Variants in PTPN6 observed in about 807,000 individuals in gnomAD.
PTPN6 encodes protein tyrosine phosphatase non-receptor type 6.
Under a neutral mutation model 81.5 loss-of-function variants are expected in PTPN6, and 18 were observed. The ratio of observed to expected loss-of-function variants is 0.22; its 90% CI spans 0.15 to 0.33. The LOEUF (loss-of-function observed/expected upper bound fraction) is 0.33, where lower values mean the gene tolerates loss of function less well. Ranked by LOEUF, PTPN6 falls within the 10% of genes least tolerant of loss-of-function variation. The pLI is 1.00. For synonymous variants in PTPN6, 301 were observed against 310.9 expected (o/e 0.97, Z 0.33); for missense variants, 500 against 794.2 (o/e 0.63, Z 4.45).
intron 11 of PTPN6, among the ~76,000 whole-genome samples, chr12:6,958,275 G>GT (rs1175543513): frequency 6.6e-6 from 1 of 152,194 alleles, no homozygotes; most frequent in East Asian, 1.9e-4. Flanking sequence ...CCCTCTGCCT[G>GT]TGGGTATCTT....
In PTPN6 at chr12:6,955,731, G is replaced by A. The variant is rs1317916482; in HGVS notation, c.819G>A (p.Lys273=). 1 of 1,614,014 alleles carries A rather than the reference G, an allele frequency of 6.2e-7. No individual in the cohort carries two copies. Among genetic ancestry groups the A allele is most frequent in the Non-Finnish European group, 8.5e-7 (1 of 1,179,992 alleles). Reference sequence around the variant, plus strand: ...GGCAGCGGCCAGAGAACAAGGGCAAGAACCGCTACAAGAACATTCTCCCCT... The same window carrying A: ...GGCAGCGGCCAGAGAACAAGGGCAAAAACCGCTACAAGAACATTCTCCCCT... The part of the protein sequence containing the change: ...LEGQRPENKG[K]NRYKNILPFD... The change falls in exon 7 of 16, where the codon AAG becomes AAA. Residue 273 remains lysine, a synonymous_variant. Coordinates refer to ENST00000318974, the MANE Select transcript of PTPN6 (RefSeq NM_002831.6). The surrounding 1 kb of genome is among the most constrained non-coding windows in gnomAD (Gnocchi z 7.2).
chr12:6,949,750 G>T (rs1318962845), upstream of PTPN6, among the ~76,000 whole-genome samples: 11 of 151,810 alleles, frequency 7.2e-5, no homozygotes, highest in African/African-American at 2.4e-4. Context: ...AGATTATTTT[G>T]CCTTGTTTGC....
intron 3 of PTPN6, chr12:6,953,113 A>G (rs1318752353): frequency 2.6e-5 from 4 of 152,050 alleles, no homozygotes; most frequent in African/African-American, 9.7e-5. Flanking sequence ...TGGTCAAGGC[A>G]CTGATTGAAA....
Position 6,956,543 on chromosome 12 carries a change from C to A in PTPN6, c.1049C>A (p.Thr350Asn), listed in dbSNP as rs782187261. 6.2e-7 allele frequency: 1 copy of A among 1,613,910 alleles called. No individual in the cohort carries two copies. Among genetic ancestry groups the A allele is most frequent in the Non-Finnish European group, 8.5e-7 (1 of 1,180,014 alleles). The part of the protein sequence containing the change: ...WQENSRVIVM[T>N]TREVEKGRNK... ...GAGAACAGCCGTGTCATCGTCATGACCACCCGAGAGGTGGAGAAAGGCCGG... is the reference window on the plus strand; with the variant it reads ...GAGAACAGCCGTGTCATCGTCATGAACACCCGAGAGGTGGAGAAAGGCCGG... Residue 350 changes from threonine (T) to asparagine (N), a missense_variant, in exon 9 of 16, where the codon ACC becomes AAC. Physicochemically the swap from Thr to Asn is moderately conservative, Grantham distance 65. Around this residue, in one of 6 missense-constraint regions of PTPN6, gnomAD observed 226 missense variants for 364.4 expected, o/e 0.62. Coordinates refer to ENST00000318974, the MANE Select transcript of PTPN6 (RefSeq NM_002831.6). This position sits in a 1 kb window ranked among gnomAD's most constrained non-coding sequence, Gnocchi z 4.1.
At chr12:6,948,300 G>C (rs1426524976), upstream of PTPN6, among the ~76,000 whole-genome samples, 2 of 151,994 alleles carry the variant, frequency 1.3e-5, no homozygotes, top group Non-Finnish European at 2.9e-5. Flanking sequence ...GCTGGATGTA[G>C]TGGCATGCAC....
At position 6,960,417 on chromosome 12, in the gene PTPN6, C is replaced by A; in HGVS notation, c.1655C>A (p.Ala552Asp). ...GCCATGAAGAATGCCCATGCCAAGG[C>A]CTCCCGCACCTCGTCCAAGTGAGTG... ...PPAMKNAHAKASRTSSKHKED... is the reference protein window; with the variant it reads ...PPAMKNAHAKDSRTSSKHKED... Residue 552 changes from alanine to aspartate, a missense_variant, in exon 14 of 16, where the codon GCC becomes GAC. Ala to Asp is a moderately radical substitution (Grantham distance 126, BLOSUM62 -2). This residue lies in a region of PTPN6 where 56 missense variants were observed against 56.4 expected (regional missense o/e 0.99). Coordinates refer to ENST00000318974, the MANE Select transcript of PTPN6 (RefSeq NM_002831.6). The surrounding 1 kb of genome is among the most constrained non-coding windows in gnomAD (Gnocchi z 6.1). 3.1e-6 allele frequency: 5 copies of A among 1,613,812 alleles called. No homozygotes were observed. The highest frequency in any genetic ancestry group is 4.2e-6 in the Non-Finnish European group (5 of 1,179,994).
In PTPN6 at chr12:6,954,924, T is replaced by G. The variant is rs1945997917; in HGVS notation, c.446T>G (p.Val149Gly). The G allele has an allele frequency of 6.2e-7, 1 of 1,614,090 alleles. No homozygotes were observed. The highest frequency in any genetic ancestry group is 8.5e-7 in the Non-Finnish European group (1 of 1,180,038). ...LSQPGDFVLSVLSDQPKAGPG... is the reference protein window; with the variant it reads ...LSQPGDFVLSGLSDQPKAGPG... ...CAGCCTGGAGACTTCGTGCTTTCTGTGCTCAGTGACCAGCCCAAGGCTGGC... is the reference window on the plus strand; with the variant it reads ...CAGCCTGGAGACTTCGTGCTTTCTGGGCTCAGTGACCAGCCCAAGGCTGGC... Residue 149 changes from valine (V) to glycine (G), a missense_variant, in exon 4 of 16, where the codon GTG becomes GGG. Coordinates refer to ENST00000318974, the MANE Select transcript of PTPN6 (RefSeq NM_002831.6). This position sits in a 1 kb window ranked among gnomAD's most constrained non-coding sequence, Gnocchi z 5.4.
At position 6,951,559 on chromosome 12, in the gene PTPN6, T is replaced by G. The variant is rs782436478; in HGVS notation, c.8+39T>G. The G allele has an allele frequency of 1.2e-6, 2 of 1,613,658 alleles. No individual in the cohort carries two copies. The highest frequency in any genetic ancestry group is 1.1e-5 in the South Asian group (1 of 91,048). ...ACCCACGGTAGACAGGAGGCAAGGGTGCCTGGTGCCCACGGGACCCCTCCT... is the reference window on the plus strand; with the variant it reads ...ACCCACGGTAGACAGGAGGCAAGGGGGCCTGGTGCCCACGGGACCCCTCCT... On this transcript the variant is annotated intron_variant, in intron 1 of 15. Transcript: ENST00000318974. This position sits in a 1 kb window ranked among gnomAD's most constrained non-coding sequence, Gnocchi z 7.2.
Position 6,951,755 on chromosome 12 carries a change from G to C in PTPN6, c.131+24G>C, listed in dbSNP as rs781965941. ...AGGTAGGTGGGCCCCCCGCAACCCC[G>C]GGCATTTTGGCCACTCTCTTGTGCC... On this transcript the variant is annotated intron_variant, in intron 2 of 15. Coordinates refer to ENST00000318974, the MANE Select transcript of PTPN6 (RefSeq NM_002831.6). The surrounding 1 kb of genome is among the most constrained non-coding windows in gnomAD (Gnocchi z 7.2). 1 of 1,608,424 alleles carries C rather than the reference G, an allele frequency of 6.2e-7. No homozygotes were observed. The highest frequency in any genetic ancestry group is 8.5e-7 in the Non-Finnish European group (1 of 1,179,958).
rs1946101960 is a variant in PTPN6 at position 6,960,048 on chromosome 12, G to A, written c.1430-40G>A. 4 of 1,612,954 alleles carry A rather than the reference G, an allele frequency of 2.5e-6. No individual in the cohort carries two copies. The highest frequency in any genetic ancestry group is 1.3e-5 in the African/African-American group (1 of 75,034). ...GGGGGTGAGCAGCCCCTCGGTGTCCGCCTATGCCTGGACCTGAGGTTTGAC... is the reference window on the plus strand; with the variant it reads ...GGGGGTGAGCAGCCCCTCGGTGTCCACCTATGCCTGGACCTGAGGTTTGAC... On this transcript the variant is annotated intron_variant, in intron 12 of 15. Coordinates refer to ENST00000318974, the MANE Select transcript of PTPN6 (RefSeq NM_002831.6). This position sits in a 1 kb window ranked among gnomAD's most constrained non-coding sequence, Gnocchi z 6.1.
At position 6,955,966 on chromosome 12, in the gene PTPN6, G is replaced by A. The variant is rs1419101983; in HGVS notation, c.845-176G>A. On this transcript the variant is annotated intron_variant, in intron 7 of 15. Transcript: ENST00000318974. This position sits in a 1 kb window ranked among gnomAD's most constrained non-coding sequence, Gnocchi z 7.2. ...GTTGCCCCCTGCTCCCAACCTCCTT[G>A]TGAACTCCCTCACTCCCTCCATACA... is the stretch of plus-strand genomic sequence containing the variant. 6.6e-6 allele frequency among the ~76,000 whole-genome samples: 1 copy of A among 151,342 alleles called. No individual in the cohort carries two copies. Among genetic ancestry groups the A allele is most frequent in the Non-Finnish European group, 1.5e-5 (1 of 67,892 alleles).
rs782764088 is a variant in PTPN6 at position 6,957,884 on chromosome 12, G to C, written c.1207-35G>C. On this transcript the variant is annotated intron_variant, in intron 10 of 15. Transcript: ENST00000318974. The surrounding 1 kb of genome is among the most constrained non-coding windows in gnomAD (Gnocchi z 6.5). ...GTGAGATGGATGAGGTGTTCCGAGAGAGGAGGGGGCACTGACCCTATGTCC... is the reference window on the plus strand; with the variant it reads ...GTGAGATGGATGAGGTGTTCCGAGACAGGAGGGGGCACTGACCCTATGTCC... 8.1e-6 allele frequency: 13 copies of C among 1,613,854 alleles called. No individual in the cohort carries two copies. The Admixed American group carries it at 2.2e-4, about 27-fold the overall frequency.
rs115854531 is a variant in PTPN6, at chr12:6,952,267, C to T, written c.326+90C>T. On this transcript the variant is annotated intron_variant, in intron 3 of 15. Coordinates refer to ENST00000318974, the MANE Select transcript of PTPN6 (RefSeq NM_002831.6). This position sits in a 1 kb window ranked among gnomAD's most constrained non-coding sequence, Gnocchi z 8.1. ...GGGAGGCAGGGAGACTGGCAGCCGG[C>T]GCTGCCTACCCTCCATCCCCTCCCC... The T allele has an allele frequency of 1.1e-3, 1,706 of 1,484,046 alleles. 17 individuals carry two copies. In the African/African-American group the frequency reaches 0.019, roughly 17 times the overall value. The allele number at this position is 1,484,046 out of a possible 1,614,324, so 91.9% of individuals were successfully genotyped here. A position where few individuals can be genotyped will look rare whatever the true frequency, so the allele number is the denominator to read the frequency against.
At chr12:6,948,717 G>T (rs993521284), upstream of PTPN6, among the ~76,000 whole-genome samples, 5 of 151,858 alleles carry the variant, frequency 3.3e-5, no homozygotes, top group Admixed American at 6.6e-5. Flanking sequence ...GAGGCAGGTG[G>T]ATCACGAGGT....
chr12:6,954,776 C>T lies in PTPN6; in HGVS notation c.327-29C>T. 6.2e-7 allele frequency: 1 copy of T among 1,608,694 alleles called. No homozygotes were observed. Among genetic ancestry groups the T allele is most frequent in the Non-Finnish European group, 8.5e-7 (1 of 1,178,518 alleles). ...CAGCGCCTTCCCCTGTGGCCTGGGT[C>T]TTACCTTCCCTGACGCTGCCTTCTC... is the stretch of plus-strand genomic sequence containing the variant. On this transcript the variant is annotated intron_variant, in intron 3 of 15. Coordinates refer to ENST00000318974, the MANE Select transcript of PTPN6 (RefSeq NM_002831.6). The surrounding 1 kb of genome is among the most constrained non-coding windows in gnomAD (Gnocchi z 5.4).
chr12:6,951,838 G>A lies in PTPN6; in HGVS notation c.131+107G>A, dbSNP rs762948920. 14 of 1,585,922 alleles carry A rather than the reference G, an allele frequency of 8.8e-6. No homozygotes were observed. Among genetic ancestry groups the A allele is most frequent in the Non-Finnish European group, 5.1e-6 (6 of 1,165,920 alleles). On this transcript the variant is annotated intron_variant, in intron 2 of 15. Coordinates refer to ENST00000318974, the MANE Select transcript of PTPN6 (RefSeq NM_002831.6). The surrounding 1 kb of genome is among the most constrained non-coding windows in gnomAD (Gnocchi z 7.2). Reference sequence around the variant, plus strand: ...CCGTGGCAGTGCTGACTCCCCGTCTGTTCCCTTGCCCCCAACCCCCACACT... The same window carrying A: ...CCGTGGCAGTGCTGACTCCCCGTCTATTCCCTTGCCCCCAACCCCCACACT...
upstream of PTPN6, among the ~76,000 whole-genome samples, chr12:6,947,914 T>C (rs1211496224): frequency 6.6e-6 from 1 of 151,976 alleles, no homozygotes; most frequent in Non-Finnish European, 1.5e-5. Flanking sequence ...AAAAGGACAG[T>C]GTGCCCGTGG....
At chr12:6,948,673 G>T (rs1222771717), upstream of PTPN6, among the ~76,000 whole-genome samples, 1 of 151,960 alleles carries the variant, frequency 6.6e-6, no homozygotes, top group Non-Finnish European at 1.5e-5. Flanking sequence ...GGGCATGGTG[G>T]CTCAAGCCTG....
Position 6,960,682 on chromosome 12 carries a change from G to A in PTPN6, c.1674-124G>A, listed in dbSNP as rs1946122507. Reference sequence around the variant, plus strand: ...CTCTAGGAGCTTGGAGTCTAGTGCAGGGACCGTGGCTGCGTCACCTGTGAG... The same window carrying A: ...CTCTAGGAGCTTGGAGTCTAGTGCAAGGACCGTGGCTGCGTCACCTGTGAG... On this transcript the variant is annotated intron_variant, in intron 14 of 15. Coordinates refer to ENST00000318974, the MANE Select transcript of PTPN6 (RefSeq NM_002831.6). The surrounding 1 kb of genome is among the most constrained non-coding windows in gnomAD (Gnocchi z 6.1). 1 of 1,551,500 alleles carries A rather than the reference G, an allele frequency of 6.4e-7. No homozygotes were observed.
Sources: gnomAD v4.1 joint callset for allele counts (sites outside exome capture counted in the v4.1 genomes callset) on GRCh38, gnomAD v4.1.1 for gene constraint, gnomAD v4.1.1 regional missense constraint, Gnocchi (gnomAD v3.1) non-coding constraint, MANE v1.5 for transcripts, NCBI Gene and HGNC (gene_info 2026-07-23, HGNC 2026-07-21) for gene names.